Variants in THADA observed in about 807,000 individuals in gnomAD.
The protein encoded by THADA is tRNA (32-2'-O)-methyltransferase regulator THADA.
Under a neutral mutation model 219.8 loss-of-function variants are expected in THADA, and 213 were observed. The observed-to-expected ratio is 0.97, with a 90% CI of 0.87 to 1.09. The LOEUF is 1.09. Ranked by LOEUF, THADA falls within the 50% of genes least tolerant of loss-of-function variation. The pLI, the probability that THADA is intolerant of heterozygous loss-of-function variation, is 0.00. For synonymous variants in THADA, 1,018 were observed against 828.9 expected (o/e 1.23, Z -3.92); for missense variants, 2,956 against 2,311.3 (o/e 1.28, Z -5.72).
intron 8 of THADA, among the ~76,000 whole-genome samples, chr2:43,579,058 T>C (rs1700142386): frequency 6.6e-6 from 1 of 152,086 alleles, no homozygotes; most frequent in East Asian, 1.9e-4. Flanking sequence ...TCTCGATCTC[T>C]TGACCTTGTG....
At chr2:43,474,442 G>A (rs1421294269) in intron 26 of THADA, among the ~76,000 whole-genome samples, 2 of 152,084 alleles carry the variant, frequency 1.3e-5, no homozygotes, top group Admixed American at 6.6e-5. Context: ...GTTTACAGCC[G>A]AGTTCAAGTG....
chr2:43,281,918 C>T (rs1673408522), intron 35 of THADA, among the ~76,000 whole-genome samples: 1 of 152,140 alleles, frequency 6.6e-6, no homozygotes, highest in South Asian at 2.1e-4. Context: ...TACAGGTGTA[C>T]ACCACCACAT....
At chr2:43,506,407 G>T (rs1689672711) in intron 23 of THADA, among the ~76,000 whole-genome samples, 1 of 152,110 alleles carries the variant, frequency 6.6e-6, no homozygotes, top group South Asian at 2.1e-4. Flanking sequence ...AAGGAATGAG[G>T]TACTAATATA....
In THADA at chr2:43,237,635, G is replaced by A. The variant is rs1040206244; in HGVS notation, c.5297-4753C>T. 3.3e-5 allele frequency among the ~76,000 whole-genome samples: 5 copies of A among 151,226 alleles called. No homozygotes were observed. In the East Asian group the frequency reaches 5.9e-4, roughly 18 times the overall value. ...AGGCTGGTCTTGAACTCCTGACCTC[G>A]TGATCCACCCGCCTCGGCCTCCCAA... On this transcript the variant is annotated intron_variant, in intron 36 of 37. Coordinates refer to ENST00000405975, the MANE Select transcript of THADA (RefSeq NM_022065.5).
intron 29 of THADA, among the ~76,000 whole-genome samples, chr2:43,391,105 T>C (rs1352244376): frequency 4.6e-5 from 7 of 152,116 alleles, no homozygotes; most frequent in Admixed American, 6.6e-5. Flanking sequence ...ATAACACCTA[T>C]CCTCCAGAAG....
At chr2:43,435,715 A>G (rs1378021748) in intron 26 of THADA, among the ~76,000 whole-genome samples, 3 of 150,286 alleles carry the variant, frequency 2.0e-5, no homozygotes, top group African/African-American at 7.3e-5. Flanking sequence ...CCTGGGAGGC[A>G]GAGGTTACAG....
chr2:43,394,023 C>T (rs7596480), intron 29 of THADA, among the ~76,000 whole-genome samples: 35,827 of 151,988 alleles, frequency 0.24, 4,384 homozygotes, highest in South Asian at 0.32. Flanking sequence ...ATGAAGAGTT[C>T]TGGCAACAAA....
In THADA at chr2:43,578,521, G is replaced by C. The variant is rs775022070; in HGVS notation, c.808C>G (p.Pro270Ala). Residue 270 changes from proline (P) to alanine (A), a missense_variant, in exon 9 of 38, where the codon CCT becomes GCT. Transcript: ENST00000405975. Reference sequence around the variant, plus strand: ...AAAGGAGATGCACTTACCAAATGAGGAATCTTTTCAGACGGGTGAAACATA... The same window carrying C: ...AAAGGAGATGCACTTACCAAATGAGCAATCTTTTCAGACGGGTGAAACATA... ...KTMFHPSEKI[P>A]HLISSVLLRS... is the part of the protein sequence containing the mutation. 1 of 1,607,880 alleles carries C rather than the reference G, an allele frequency of 6.2e-7. No individual in the cohort carries two copies. Among genetic ancestry groups the C allele is most frequent in the Non-Finnish European group, 8.5e-7 (1 of 1,174,854 alleles).
At chr2:43,258,476 C>T (rs576396167) in intron 36 of THADA, among the ~76,000 whole-genome samples, 7 of 152,248 alleles carry the variant, frequency 4.6e-5, no homozygotes, top group African/African-American at 1.7e-4. Flanking sequence ...GAGCCGAGAT[C>T]GTGCCATTGC....
chr2:43,549,516 AT>A (rs1438477764), intron 19 of THADA, 148 bp from the exon 20 acceptor site: 2 of 814,284 alleles, frequency 2.5e-6, no homozygotes, highest in African/African-American at 3.6e-5. Context: ...TAATATGAAA[AT>A]TATTTATACA....
At chr2:43,584,306 C>T (rs911764087) in intron 7 of THADA, among the ~76,000 whole-genome samples, 6 of 152,152 alleles carry the variant, frequency 3.9e-5, no homozygotes, top group African/African-American at 9.7e-5. Context: ...CAGTCTACCA[C>T]TCAGGAAAGA....
intron 29 of THADA, among the ~76,000 whole-genome samples, chr2:43,349,599 T>C (rs1668025043): frequency 1.3e-5 from 2 of 151,984 alleles, no homozygotes; most frequent in Non-Finnish European, 2.9e-5. Flanking sequence ...CAGGCAATTT[T>C]CCCCCTTATA....
At chr2:43,354,808 T>C (rs1171234103) in intron 29 of THADA, among the ~76,000 whole-genome samples, 1 of 152,118 alleles carries the variant, frequency 6.6e-6, no homozygotes, top group Non-Finnish European at 1.5e-5. Flanking sequence ...CATAAACCCA[T>C]GTATTGAGGG....
At chr2:43,502,908 A>G (rs910911673) in intron 24 of THADA, among the ~76,000 whole-genome samples, 1 of 152,194 alleles carries the variant, frequency 6.6e-6, no homozygotes, top group African/African-American at 2.4e-5. Flanking sequence ...ACCAATATTA[A>G]AGTAAGCAAA....
chr2:43,564,546 T>C (rs1331297187), intron 15 of THADA: 1 of 152,266 alleles, frequency 6.6e-6, no homozygotes, highest in African/African-American at 2.4e-5. Flanking sequence ...TAATCTAGAA[T>C]TATCTCACCT....
intron 28 of THADA, among the ~76,000 whole-genome samples, chr2:43,425,446 A>ATATGTG (rs1553437836): frequency 7.1e-6 from 1 of 140,410 alleles, no homozygotes; most frequent in Admixed American, 7.2e-5. Flanking sequence ...TTAAAATTGT[A>ATATGTG]TGTGTGTGTG....
chr2:43,494,258 G>A (rs2105045107), intron 25 of THADA, among the ~76,000 whole-genome samples: 1 of 152,304 alleles, frequency 6.6e-6, no homozygotes, highest in East Asian at 1.9e-4. Flanking sequence ...CCATGTACAA[G>A]ACAACCAGCT....
intron 24 of THADA, among the ~76,000 whole-genome samples, chr2:43,501,095 C>G (rs754153769): frequency 7.2e-5 from 11 of 151,820 alleles, no homozygotes; most frequent in Non-Finnish European, 1.2e-4. Flanking sequence ...CACCTGAGGT[C>G]AGGAGTTCAA....
Position 43,274,654 on chromosome 2 carries a change from T to C in THADA, c.5296+5111A>G, listed in dbSNP as rs542331468. On this transcript the variant is annotated intron_variant, in intron 36 of 37. Transcript: ENST00000405975. The stretch of plus-strand genomic sequence containing the variant: ...GTGCTGTCGAGAAGATGGGATTTAA[T>C]GCATTCCCGCTAAATGTCCATATTT... Among the ~76,000 whole-genome samples the C allele has an allele frequency of 6.6e-5, 10 of 152,228 alleles. No homozygotes were observed. In the South Asian group the frequency reaches 1.5e-3, roughly 22 times the overall value.
Sources: gnomAD v4.1 joint callset for allele counts (sites outside exome capture counted in the v4.1 genomes callset) on GRCh38, gnomAD v4.1.1 for gene constraint, MANE v1.5 for transcripts, NCBI Gene and HGNC (gene_info 2026-07-23, HGNC 2026-07-21) for gene names.